Variants in HNF4G observed in about 807,000 individuals in gnomAD.
HNF4G encodes hepatocyte nuclear factor 4-gamma.
In HNF4G, 21 loss-of-function variants were observed where a neutral mutation model predicts 50.9. That is an observed-to-expected ratio of 0.41 (90% confidence interval 0.29 to 0.59). The LOEUF is 0.59. HNF4G is among the 20% of genes least tolerant of loss of function. HNF4G has a pLI of 0.26. For synonymous variants in HNF4G, 198 were observed against 185.6 expected, an observed-to-expected ratio of 1.07 and a Z score of -0.54; for missense variants, 527 against 559.4, an observed-to-expected ratio of 0.94 and a Z score of 0.58.
intron 1 of HNF4G, among the ~76,000 whole-genome samples, chr8:75,448,220 G>T (rs1464933305): frequency 1.1e-4 from 15 of 139,480 alleles, no homozygotes; most frequent in Non-Finnish European, 9.2e-5. Context: ...ACTCATAGGT[G>T]GGAATTGAAC....
At chr8:75,530,798 T>G in intron 2 of HNF4G, among the ~76,000 whole-genome samples, 1 of 149,836 alleles carries the variant, frequency 6.7e-6, no homozygotes. Flanking sequence ...AATGTGCTTT[T>G]TTTTTTTTTT....
intron 1 of HNF4G, among the ~76,000 whole-genome samples, chr8:75,473,624 G>A (rs540278592): frequency 6.6e-6 from 1 of 151,970 alleles, no homozygotes; most frequent in Non-Finnish European, 1.5e-5. Flanking sequence ...AGAATTACAG[G>A]GACTCCACTT....
chr8:75,563,933 C>CT (rs745327424), intron 9 of HNF4G, 42 bp from the exon 10 acceptor site: 1 of 1,607,604 alleles, frequency 6.2e-7, no homozygotes, highest in South Asian at 1.1e-5. Flanking sequence ...GTGAGGAAGA[C>CT]TGACTGCCAC....
At chr8:75,521,093 G>A (rs531299182) in intron 2 of HNF4G, among the ~76,000 whole-genome samples, 25 of 152,026 alleles carry the variant, frequency 1.6e-4, no homozygotes, top group African/African-American at 5.5e-4. Context: ...TTTTATACAT[G>A]GATATTTTTA....
intron 4 of HNF4G, among the ~76,000 whole-genome samples, chr8:75,551,922 G>C (rs1225571980): frequency 6.6e-6 from 1 of 152,080 alleles, no homozygotes; most frequent in Non-Finnish European, 1.5e-5. Flanking sequence ...TGCTTTGGAA[G>C]CAGACATTTA....
At chr8:75,531,069 C>G (rs111405247) in intron 2 of HNF4G, among the ~76,000 whole-genome samples, 1,706 of 152,186 alleles carry the variant, frequency 0.011, 41 homozygotes, top group African/African-American at 0.039. Flanking sequence ...GCTGGGATTA[C>G]AGGTGTGAGC....
At chr8:75,547,517 C>A in intron 2 of HNF4G, 70 bp from the exon 3 acceptor site, 2 of 1,077,258 alleles carry the variant, frequency 1.9e-6, no homozygotes, top group Non-Finnish European at 1.4e-6. Flanking sequence ...ATTTAAAATC[C>A]ATTTGTCTGT....
Position 75,494,537 on chromosome 8 carries a change from T to C in HNF4G, c.-24+4329T>C, listed in dbSNP as rs1017948386. On this transcript the variant is annotated intron_variant, in intron 2 of 10. Transcript: ENST00000354370. ...AGACTAAGGATTAAATTTGTTTTTATTGAACGTAATAAATAAAGATTACAC... is the reference window on the plus strand; with the variant it reads ...AGACTAAGGATTAAATTTGTTTTTACTGAACGTAATAAATAAAGATTACAC... 3.3e-5 allele frequency among the ~76,000 whole-genome samples: 5 copies of C among 152,164 alleles called. No individual in the cohort carries two copies. In the South Asian group the frequency reaches 1.0e-3, roughly 32 times the overall value.
chr8:75,540,586 A>T (rs1352625655), intron 1 of HNF4G, among the ~76,000 whole-genome samples: 3 of 152,154 alleles, frequency 2.0e-5, no homozygotes, highest in Non-Finnish European at 4.4e-5. Flanking sequence ...CATTGAACGC[A>T]AATATGAAAG....
intron 2 of HNF4G, among the ~76,000 whole-genome samples, chr8:75,518,024 C>T (rs914045468): frequency 6.6e-6 from 1 of 151,336 alleles, no homozygotes; most frequent in East Asian, 2.0e-4. Flanking sequence ...TTTTAGGGTA[C>T]ATGTGCACAA....
chr8:75,526,589 A>G (rs910818413), intron 2 of HNF4G, among the ~76,000 whole-genome samples: 3 of 151,864 alleles, frequency 2.0e-5, no homozygotes, highest in Admixed American at 2.0e-4. Flanking sequence ...GCTGGAGTAC[A>G]GTGGCACCAT....
intron 1 of HNF4G, among the ~76,000 whole-genome samples, chr8:75,467,874 G>T (rs182525368): frequency 1.2e-3 from 183 of 152,208 alleles, no homozygotes; most frequent in African/African-American, 4.1e-3. Flanking sequence ...AAACTGAGTT[G>T]CTAGGACGGA....
chr8:75,536,084 A>G (rs1413468830), upstream of HNF4G, among the ~76,000 whole-genome samples: 3 of 151,974 alleles, frequency 2.0e-5, no homozygotes, highest in Non-Finnish European at 2.9e-5. Flanking sequence ...AACTAGAGCT[A>G]AGATGGAACA....
chr8:75,522,952 C>T (rs1032708326), intron 2 of HNF4G, among the ~76,000 whole-genome samples: 3 of 152,036 alleles, frequency 2.0e-5, no homozygotes, highest in Admixed American at 1.3e-4. Context: ...TGAGGCCAGA[C>T]GCGGTGGTTC....
intron 1 of HNF4G, among the ~76,000 whole-genome samples, chr8:75,465,624 G>T (rs1811950715): frequency 6.6e-6 from 1 of 151,312 alleles, no homozygotes; most frequent in African/African-American, 2.4e-5. Context: ...ATGCCAAAAA[G>T]AAAAAGTAGA....
intron 1 of HNF4G, among the ~76,000 whole-genome samples, chr8:75,479,235 A>T (rs1812315302): frequency 6.6e-6 from 1 of 152,226 alleles, no homozygotes; most frequent in Admixed American, 6.5e-5. Context: ...TCATTTATCT[A>T]AAGGAATAAA....
At chr8:75,463,350 T>G (rs191153008) in intron 1 of HNF4G, among the ~76,000 whole-genome samples, 1 of 152,262 alleles carries the variant, frequency 6.6e-6, no homozygotes. Flanking sequence ...TTGATCCCAT[T>G]CTCAGAGGGA....
In HNF4G at chr8:75,560,476, T is replaced by C. The variant is rs910354041; in HGVS notation, c.1246+10T>C. The C allele has an allele frequency of 1.9e-6, 3 of 1,603,790 alleles. No individual in the cohort carries two copies. Among genetic ancestry groups the C allele is most frequent in the Admixed American group, 1.7e-5 (1 of 58,016 alleles). ...CATGCAGACCAGATCTGTAAGTTTA[T>C]AGACTACTTTTCAACCAAGATATTT... On this transcript the variant is annotated intron_variant, in intron 9 of 9. Transcript: ENST00000396423.
chr8:75,534,312 T>C (rs1184321243), intron 2 of HNF4G, among the ~76,000 whole-genome samples: 3 of 151,818 alleles, frequency 2.0e-5, no homozygotes, highest in African/African-American at 4.8e-5. Context: ...AATAATTTAA[T>C]GCTAATCAGC....
Sources: gnomAD v4.1 joint callset for allele counts (sites outside exome capture counted in the v4.1 genomes callset) on GRCh38, gnomAD v4.1.1 for gene constraint, MANE v1.5 for transcripts, NCBI Gene and HGNC (gene_info 2026-07-23, HGNC 2026-07-21) for gene names.